Variants in AK9 observed in about 807,000 individuals in gnomAD.
The protein encoded by AK9 is adenylate kinase 9, also known as adenylate kinase domain containing 1.
AK9 carries 191 observed loss-of-function variants against 239.6 expected under a neutral mutation model. The observed-to-expected ratio is 0.80, with a 90% CI of 0.71 to 0.90. The LOEUF (loss-of-function observed/expected upper bound fraction) is 0.90. Among genes scored for constraint, AK9 ranks in the 40% least tolerant of loss-of-function variants. AK9 has a pLI of 0.00. For synonymous variants in AK9, 689 were observed against 721.0 expected, an observed-to-expected ratio of 0.96 and a Z score of 0.71; for missense variants, 1,995 against 2,214.7, an observed-to-expected ratio of 0.90 and a Z score of 1.99.
intron 29 of AK9, chr6:109,528,353 T>A (rs1780776384): frequency 2.8e-6 from 1 of 359,192 alleles, no homozygotes; most frequent in Non-Finnish European, 5.5e-6. Flanking sequence ...CTACGATTTC[T>A]GTAAGTTTTG....
chr6:109,623,986 T>C (rs1221387593), intron 12 of AK9, among the ~76,000 whole-genome samples: 1 of 151,934 alleles, frequency 6.6e-6, no homozygotes, highest in Non-Finnish European at 1.5e-5. Context: ...ATTCATGTTA[T>C]TATGCTTATG....
At position 109,540,016 on chromosome 6, in the gene AK9, G is replaced by A. The variant is rs555357800; in HGVS notation, c.3350+2031C>T. On this transcript the variant is annotated intron_variant, in intron 27 of 40. Transcript: ENST00000424296. ...TGTGAGGTGTCATACTGCCCCTACT[G>A]GGGGGTGCCTCCCAGTTAGGGTACT... Among the ~76,000 whole-genome samples the A allele has an allele frequency of 1.1e-4, 16 of 152,244 alleles. No homozygotes were observed. The East Asian group carries it at 3.1e-3, about 29-fold the overall frequency.
intron 17 of AK9, among the ~76,000 whole-genome samples, chr6:109,606,956 A>T (rs1306608863): frequency 1.3e-5 from 2 of 152,234 alleles, no homozygotes; most frequent in Non-Finnish European, 2.9e-5. Flanking sequence ...ATTATTTAAA[A>T]AATGCTTAAC....
At chr6:109,617,744 G>A (rs1422875185) in intron 13 of AK9, among the ~76,000 whole-genome samples, 1 of 152,062 alleles carries the variant, frequency 6.6e-6, no homozygotes, top group African/African-American at 2.4e-5. Context: ...TTACAAACAT[G>A]AATAGAAAAA....
chr6:109,645,361 T>A (rs1286846323), intron 8 of AK9, among the ~76,000 whole-genome samples: 1 of 152,228 alleles, frequency 6.6e-6, no homozygotes, highest in Non-Finnish European at 1.5e-5. Context: ...GCCCTAATAC[T>A]GCGCTTTTCC....
chr6:109,577,984 T>A (rs1244909307), intron 20 of AK9, among the ~76,000 whole-genome samples: 1 of 151,194 alleles, frequency 6.6e-6, no homozygotes, highest in Non-Finnish European at 1.5e-5. Flanking sequence ...CAGACTGGAG[T>A]GCAGTGACAC....
At chr6:109,538,707 T>C (rs1005163387) in intron 27 of AK9, among the ~76,000 whole-genome samples, 2 of 152,126 alleles carry the variant, frequency 1.3e-5, no homozygotes, top group African/African-American at 4.8e-5. Context: ...GCATCAATGA[T>C]CTTTACAATT....
chr6:109,584,792 T>C (rs1347242175), intron 19 of AK9, among the ~76,000 whole-genome samples: 3 of 152,116 alleles, frequency 2.0e-5, no homozygotes, highest in Admixed American at 6.6e-5. Flanking sequence ...TTTCTTCAAT[T>C]TGTAAATGCT....
rs138805806 is a variant in AK9 at position 109,600,860 on chromosome 6, T to G, written c.1842+9505A>C. Among the ~76,000 whole-genome samples, 1,136 of 152,318 alleles carry G rather than the reference T, an allele frequency of 7.5e-3. 17 individuals carry two copies. The highest frequency in any genetic ancestry group is 0.026 in the African/African-American group (1,086 of 41,564). ...ATTTCTTCTAAATTTTCTAGTTTAT[T>G]TGCGTGGAGGTGTTTATAGTATTCT... is the stretch of plus-strand genomic sequence containing the variant. On this transcript the variant is annotated intron_variant, in intron 17 of 40. Transcript: ENST00000424296.
Position 109,633,287 on chromosome 6 carries a change from T to A in AK9, c.970A>T (p.Ile324Phe). The A allele has an allele frequency of 6.2e-7, 1 of 1,607,078 alleles. No individual in the cohort carries two copies. Among genetic ancestry groups the A allele is most frequent in the Non-Finnish European group, 8.5e-7 (1 of 1,178,806 alleles). Residue 324 changes from isoleucine (I) to phenylalanine (F), a missense_variant, in exon 11 of 41, where the codon ATT becomes TTT. This residue lies in a region of AK9 where 1,290 missense variants were observed against 1,392.7 expected (regional missense o/e 0.93). Coordinates refer to ENST00000424296, the MANE Select transcript of AK9 (RefSeq NM_001145128.3). Reference sequence around the variant, plus strand: ...CTTTGCCATCTGTATCTTGGTGCAATAAGTTTATAAGATGCAAGAGTACGA... The same window carrying A: ...CTTTGCCATCTGTATCTTGGTGCAAAAAGTTTATAAGATGCAAGAGTACGA... Reference protein sequence around the residue: ...LFRTLASYKLIAPRYRWQRSK... With the variant: ...LFRTLASYKLFAPRYRWQRSK...
At chr6:109,606,367 A>G (rs989158116) in intron 17 of AK9, among the ~76,000 whole-genome samples, 1 of 152,198 alleles carries the variant, frequency 6.6e-6, no homozygotes, top group African/African-American at 2.4e-5. Flanking sequence ...AGGCACAGAA[A>G]GACATAACGA....
At chr6:109,511,005 T>C (rs993633854) in intron 32 of AK9, among the ~76,000 whole-genome samples, 1 of 151,780 alleles carries the variant, frequency 6.6e-6, no homozygotes, top group Non-Finnish European at 1.5e-5. Flanking sequence ...GGTCAGTCAT[T>C]AACAGTACTT....
rs1771017729 is a variant in AK9, at chr6:109,672,174, C to T, written c.182-7G>A. 1 of 1,609,168 alleles carries T rather than the reference C, an allele frequency of 6.2e-7. No individual in the cohort carries two copies. Among genetic ancestry groups the T allele is most frequent in the Non-Finnish European group, 8.5e-7 (1 of 1,177,148 alleles). ...TCTTCTAAAATTGGCAAAGCTAAAA[C>T]ATGAATTCAAAATATTAATACAGAC... is the stretch of plus-strand genomic sequence containing the variant. On this transcript the variant is annotated splice_polypyrimidine_tract_variant and splice_region_variant and intron_variant, in intron 3 of 40. Transcript: ENST00000424296.
At position 109,516,459 on chromosome 6, in the gene AK9, C is replaced by T; in HGVS notation, c.3817G>A (p.Ala1273Thr). 1 of 1,551,280 alleles carries T rather than the reference C, an allele frequency of 6.4e-7. No homozygotes were observed. The highest frequency in any genetic ancestry group is 8.7e-7 in the Non-Finnish European group (1 of 1,146,874). Reference sequence around the variant, plus strand: ...ATTATTTGTAAATTATGTGTATCTGCTTCAAATTTTTCTCCTAGTTCACCT... The same window carrying T: ...ATTATTTGTAAATTATGTGTATCTGTTTCAAATTTTTCTCCTAGTTCACCT... ...LRGELGEKFEADTHNLQIIQD... is the reference protein window; with the variant it reads ...LRGELGEKFETDTHNLQIIQD... Residue 1273 changes from alanine to threonine, a missense_variant, in exon 30 of 41, where the codon GCA becomes ACA. Ala to Thr is a moderately conservative substitution (Grantham distance 58). Around this residue, in one of 5 missense-constraint regions of AK9, gnomAD observed 1,290 missense variants for 1,392.7 expected, o/e 0.93. Transcript: ENST00000424296.
rs1794526064 is a variant in AK9 at position 109,619,113 on chromosome 6, C to G, written c.1378G>C (p.Glu460Gln). ...IKVVKEKLLR[E>Q]LQARKQAETA... The stretch of plus-strand genomic sequence containing the variant: ...TCACCTTGTTTTCTAGCTTGCAGTT[C>G]CCTGAGAAGCTTTTCTTTCACAACT... Residue 460 changes from glutamate to glutamine, a missense_variant, in exon 13 of 41, where the codon GAA (glutamate) becomes CAA (glutamine). Coordinates refer to ENST00000424296, the MANE Select transcript of AK9 (RefSeq NM_001145128.3). 3.9e-6 allele frequency: 6 copies of G among 1,542,926 alleles called. No homozygotes were observed. The highest frequency in any genetic ancestry group is 5.2e-6 in the Non-Finnish European group (6 of 1,144,044).
chr6:109,497,993 A>G (rs767680139), intron 36 of AK9, 28 bp from the exon 37 acceptor site: 1 of 1,610,486 alleles, frequency 6.2e-7, no homozygotes, highest in Non-Finnish European at 8.5e-7. Flanking sequence ...CAGTAGCAAC[A>G]TGATTTAAAC....
intron 31 of AK9, 34 bp from the exon 32 acceptor site, chr6:109,514,471 G>A (rs531094261): frequency 6.8e-7 from 1 of 1,477,538 alleles, no homozygotes; most frequent in Non-Finnish European, 9.0e-7. Flanking sequence ...TTGAAAGTTA[G>A]TTTGAATTTT....
chr6:109,629,104 A>G (rs2128265065), intron 12 of AK9, among the ~76,000 whole-genome samples: 1 of 152,100 alleles, frequency 6.6e-6, no homozygotes, highest in East Asian at 1.9e-4. Context: ...TCATGATTTT[A>G]TTTTATTTTA....
rs752880330 is a variant in AK9, at chr6:109,506,534, A to G, written c.4642T>C (p.Leu1548=). The G allele has an allele frequency of 1.3e-6, 2 of 1,586,564 alleles. No homozygotes were observed. The highest frequency in any genetic ancestry group is 1.7e-6 in the Non-Finnish European group (2 of 1,163,632). Residue 1548 remains leucine (L), a synonymous_variant, in exon 35 of 41, where the codon TTG becomes CTG. Transcript: ENST00000424296. ...GCTACAATTTGTGCACTATTGTGCA[A>G]TGGATAAGGCAATCTAATAGGGAAA... ...KENEQRLPYP[L]HNSAQIVAVN...
Sources: gnomAD v4.1 joint callset for allele counts (sites outside exome capture counted in the v4.1 genomes callset) on GRCh38, gnomAD v4.1.1 for gene constraint, gnomAD v4.1.1 regional missense constraint, MANE v1.5 for transcripts, NCBI Gene and HGNC (gene_info 2026-07-23, HGNC 2026-07-21) for gene names.